Variants in PAPPA2 observed in about 807,000 individuals in gnomAD.
PAPPA2 encodes pappalysin-2.
PAPPA2 carries 86 observed loss-of-function variants against 176.4 expected under a neutral mutation model. The ratio of observed to expected loss-of-function variants is 0.49; its 90% CI spans 0.41 to 0.58. The LOEUF is 0.58. PAPPA2 is among the 20% of genes least tolerant of loss of function. PAPPA2 has a pLI of 0.00. For synonymous variants in PAPPA2, 809 were observed against 852.2 expected, an observed-to-expected ratio of 0.95 and a Z score of 0.88; for missense variants, 2,073 against 2,256.9, an observed-to-expected ratio of 0.92 and a Z score of 1.65.
chr1:176,788,677 A>G (rs1445473934), intron 17 of PAPPA2, among the ~76,000 whole-genome samples: 2 of 152,158 alleles, frequency 1.3e-5, no homozygotes, highest in Admixed American at 6.6e-5. Context: ...AATCCACATC[A>G]AATGCTGTCA....
intron 3 of PAPPA2, among the ~76,000 whole-genome samples, chr1:176,670,404 G>A (rs1439293051): frequency 6.6e-6 from 1 of 152,130 alleles, no homozygotes; most frequent in Non-Finnish European, 1.5e-5. Flanking sequence ...CTATACAATT[G>A]TTATGCCTTG....
At chr1:176,664,658 C>G (rs552888611) in intron 3 of PAPPA2, among the ~76,000 whole-genome samples, 1 of 152,326 alleles carries the variant, frequency 6.6e-6, no homozygotes, top group South Asian at 2.1e-4. Context: ...TATTATGACA[C>G]TAGACTTTAA....
At chr1:176,775,458 A>G (rs974988506) in intron 17 of PAPPA2, among the ~76,000 whole-genome samples, 2 of 152,160 alleles carry the variant, frequency 1.3e-5, no homozygotes, top group Admixed American at 1.3e-4. Context: ...AACAACATAG[A>G]AAGAAAGCTC....
At chr1:176,510,626 TC>T (rs1648540579) in intron 1 of PAPPA2, among the ~76,000 whole-genome samples, 1 of 151,940 alleles carries the variant, frequency 6.6e-6, no homozygotes, top group Non-Finnish European at 1.5e-5. Context: ...AAGATTTTTT[TC>T]AAAAGATAAC....
rs1351164030 is a variant in PAPPA2 at position 176,790,260 on chromosome 1, TCTC to T, written c.4884+287_4884+289del. Among the ~76,000 whole-genome samples the T allele has an allele frequency of 2.6e-5, 4 of 152,012 alleles. No individual in the cohort carries two copies. In the South Asian group the frequency reaches 8.3e-4, roughly 32 times the overall value. ...CTGGGATCCTGATTTAGCAATGTGA[TCTC>T]CTCTCATGGATGGCCACTGACATAA... On this transcript the variant is annotated intron_variant, in intron 18 of 22. Transcript: ENST00000367662.
At chr1:176,830,883 A>C (rs1667056565) in intron 21 of PAPPA2, among the ~76,000 whole-genome samples, 2 of 152,216 alleles carry the variant, frequency 1.3e-5, no homozygotes, top group East Asian at 3.9e-4. Context: ...GTTCCTGGGC[A>C]GCATTTTAAG....
rs1385709972 is a variant in PAPPA2 at position 176,800,043 on chromosome 1, T to TC, written c.5131-15dup. The TC allele has an allele frequency of 3.1e-6, 5 of 1,613,878 alleles. No homozygotes were observed. Among genetic ancestry groups the TC allele is most frequent in the South Asian group, 2.2e-5 (2 of 91,070 alleles). On this transcript the variant is annotated splice_polypyrimidine_tract_variant and intron_variant, in intron 20 of 22. Transcript: ENST00000367662. ...TGTCTTTAATTTTGTTTTCTGTTTTTCCCGTCTTTCCCCTTAGAGCATTGT... is the reference window on the plus strand; with the variant it reads ...TGTCTTTAATTTTGTTTTCTGTTTTTCCCCGTCTTTCCCCTTAGAGCATTGT...
At chr1:176,479,766 T>C (rs1652304092) in intron 1 of PAPPA2, among the ~76,000 whole-genome samples, 1 of 152,224 alleles carries the variant, frequency 6.6e-6, no homozygotes, top group Non-Finnish European at 1.5e-5. Flanking sequence ...GCTTTCTGCA[T>C]GGAATTTAGG....
chr1:176,699,138 C>G lies in PAPPA2; in HGVS notation c.2785C>G (p.Gln929Glu). 2 of 1,613,996 alleles carry G rather than the reference C, an allele frequency of 1.2e-6. No individual in the cohort carries two copies. Among genetic ancestry groups the G allele is most frequent in the South Asian group, 1.1e-5 (1 of 91,064 alleles). Reference sequence around the variant, plus strand: ...GGATCAGCCCTGCGAGCCAAGCTTACAGGCCTGGAGCCCTGAGGTCCACCT... The same window carrying G: ...GGATCAGCCCTGCGAGCCAAGCTTAGAGGCCTGGAGCCCTGAGGTCCACCT... The part of the protein sequence containing the change: ...DVDQPCEPSL[Q>E]AWSPEVHLYH... Residue 929 changes from glutamine (Q) to glutamate (E), a missense_variant, in exon 8 of 23, where the codon CAG becomes GAG. Around this residue, in one of 4 missense-constraint regions of PAPPA2, gnomAD observed 1,196 missense variants for 1,330.4 expected, o/e 0.90. Transcript: ENST00000367662.
chr1:176,671,191 G>A, intron 4 of PAPPA2, 76 bp downstream of exon 4: 10 of 1,570,406 alleles, frequency 6.4e-6, no homozygotes, highest in Non-Finnish European at 8.6e-6. Context: ...GTAAGTTTGG[G>A]GAAAAAAGAA....
chr1:176,593,129 T>C (rs1384751646), intron 2 of PAPPA2, among the ~76,000 whole-genome samples: 1 of 152,232 alleles, frequency 6.6e-6, no homozygotes, highest in Non-Finnish European at 1.5e-5. Context: ...TGCTAAAAAG[T>C]ACTTTTATTT....
intron 21 of PAPPA2, among the ~76,000 whole-genome samples, chr1:176,801,118 C>A (rs113707106): frequency 6.6e-6 from 1 of 150,618 alleles, no homozygotes; most frequent in Non-Finnish European, 1.5e-5. Context: ...CACACACACA[C>A]ACACACCATT....
intron 21 of PAPPA2, among the ~76,000 whole-genome samples, chr1:176,806,752 A>C (rs997867663): frequency 6.6e-6 from 1 of 152,196 alleles, no homozygotes; most frequent in Non-Finnish European, 1.5e-5. Context: ...GAGAGGTCAC[A>C]CCTCAGTAAA....
At chr1:176,731,632 TA>T (rs1662146559) in intron 12 of PAPPA2, among the ~76,000 whole-genome samples, 1 of 151,676 alleles carries the variant, frequency 6.6e-6, no homozygotes, top group African/African-American at 2.4e-5. Flanking sequence ...CTTTGAGATA[TA>T]TTTATATGTG....
At chr1:176,464,106 G>A (rs1221114947) in intron 1 of PAPPA2, among the ~76,000 whole-genome samples, 1 of 152,206 alleles carries the variant, frequency 6.6e-6, no homozygotes, top group African/African-American at 2.4e-5. Context: ...TGTGGACTAT[G>A]ATCTAACAGA....
chr1:176,538,243 C>T (rs1010726916), intron 1 of PAPPA2, among the ~76,000 whole-genome samples: 1 of 152,172 alleles, frequency 6.6e-6, no homozygotes, highest in African/African-American at 2.4e-5. Context: ...TTGGGATGGA[C>T]CCCAGGACCA....
intron 4 of PAPPA2, among the ~76,000 whole-genome samples, chr1:176,679,776 C>G (rs1659491422): frequency 6.6e-6 from 1 of 152,038 alleles, no homozygotes; most frequent in African/African-American, 2.4e-5. Flanking sequence ...ACTCAGAAGT[C>G]AGAGAGAAGT....
intron 20 of PAPPA2, among the ~76,000 whole-genome samples, chr1:176,795,244 C>G (rs760242463): frequency 2.0e-5 from 3 of 152,056 alleles, no homozygotes; most frequent in Admixed American, 6.6e-5. Context: ...ATCCCAATTC[C>G]CCAGTAAACT....
At chr1:176,590,339 G>A (rs1312549301) in intron 2 of PAPPA2, among the ~76,000 whole-genome samples, 1 of 152,048 alleles carries the variant, frequency 6.6e-6, no homozygotes, top group Non-Finnish European at 1.5e-5. Flanking sequence ...ACATCATACT[G>A]GTAACTTAAT....
Sources: gnomAD v4.1 joint callset for allele counts (sites outside exome capture counted in the v4.1 genomes callset) on GRCh38, gnomAD v4.1.1 for gene constraint, gnomAD v4.1.1 regional missense constraint, MANE v1.5 for transcripts, NCBI Gene and HGNC (gene_info 2026-07-23, HGNC 2026-07-21) for gene names.